Variants in ANO3 observed in about 807,000 individuals in gnomAD.
The protein encoded by ANO3 is anoctamin 3, also known as anoctamin-3.
Under a neutral mutation model 144.8 loss-of-function variants are expected in ANO3, and 99 were observed. The ratio of observed to expected loss-of-function variants is 0.68; its 90% CI spans 0.58 to 0.81. The LOEUF (loss-of-function observed/expected upper bound fraction) is 0.81. Ranked by LOEUF, ANO3 falls within the 30% of genes least tolerant of loss-of-function variation. The probability of loss-of-function intolerance (pLI) is 0.00; values close to 1 mark genes in which losing one functional copy is unlikely to be tolerated. For missense variants in ANO3, 905 were observed against 1,202.2 expected (o/e 0.75, Z 3.66); for synonymous variants, 414 against 392.6 (o/e 1.05, Z -0.64).
At chr11:26,338,313 G>T (rs994756623) in intron 1 of ANO3, among the ~76,000 whole-genome samples, 4 of 152,112 alleles carry the variant, frequency 2.6e-5, no homozygotes, top group Non-Finnish European at 5.9e-5. Flanking sequence ...TCTAGCTAAA[G>T]GTTTGTAAAC....
intron 1 of ANO3, among the ~76,000 whole-genome samples, chr11:26,357,395 A>G (rs576587199): frequency 2.0e-5 from 3 of 152,350 alleles, no homozygotes; most frequent in African/African-American, 4.8e-5. Context: ...TACAAATGTT[A>G]GTATTCTAAT....
At chr11:26,623,869 T>G (rs528778494) in intron 17 of ANO3, among the ~76,000 whole-genome samples, 71 of 152,176 alleles carry the variant, frequency 4.7e-4, no homozygotes, top group African/African-American at 1.6e-3. Context: ...TCACTGGAAG[T>G]TCTGCCTCCC....
chr11:26,464,975 A>C (rs1859544957), intron 4 of ANO3, among the ~76,000 whole-genome samples: 1 of 151,804 alleles, frequency 6.6e-6, no homozygotes, highest in African/African-American at 2.4e-5. Context: ...GAAGAGCAAA[A>C]TTACCTACTT....
chr11:26,275,356 A>G (rs1399580661), intron 1 of ANO3, among the ~76,000 whole-genome samples: 7 of 152,146 alleles, frequency 4.6e-5, no homozygotes, highest in Non-Finnish European at 1.0e-4. Context: ...CTACACTCTC[A>G]CTAGAGTGAA....
At chr11:26,525,425 G>A (rs565075924) in intron 6 of ANO3, among the ~76,000 whole-genome samples, 2 of 152,100 alleles carry the variant, frequency 1.3e-5, no homozygotes, top group Non-Finnish European at 2.9e-5. Context: ...TTATTAGAGT[G>A]TCTTTGTTAT....
intron 14 of ANO3, among the ~76,000 whole-genome samples, chr11:26,570,595 A>G (rs1031452739): frequency 6.6e-6 from 1 of 152,116 alleles, no homozygotes; most frequent in African/African-American, 2.4e-5. Context: ...CAGGCATAAT[A>G]TAAAAACATG....
intron 1 of ANO3, among the ~76,000 whole-genome samples, chr11:26,245,138 TATAATTGCCAAGAAAA>T (rs1852761386): frequency 6.6e-6 from 1 of 152,216 alleles, no homozygotes; most frequent in East Asian, 1.9e-4. Flanking sequence ...ATAAGGTAAA[TATAATTGCCAAGAAAA>T]ATGCATGGGT....
At chr11:26,258,506 G>A (rs11029443) in intron 1 of ANO3, among the ~76,000 whole-genome samples, 2,800 of 152,248 alleles carry the variant, frequency 0.018, 69 homozygotes, top group East Asian at 0.12. Context: ...CTAACTGGAA[G>A]CTGGATTACA....
chr11:26,299,279 A>C (rs1854162874), intron 1 of ANO3, among the ~76,000 whole-genome samples: 1 of 152,212 alleles, frequency 6.6e-6, no homozygotes, highest in Admixed American at 6.5e-5. Context: ...AGTGTGATTA[A>C]TTATATAGCA....
Position 26,547,425 on chromosome 11 carries a change from T to G in ANO3, c.1164T>G (p.Phe388Leu). ...HQPLDLIRLY[F>L]GEKIGLYFAW... ...TTGCTTTCTCATGCAGGCTATACTT[T>G]GGTGAGAAGATTGGACTATACTTTG... is the stretch of plus-strand genomic sequence containing the variant. The change falls in exon 12 of 27, where the codon TTT (phenylalanine) becomes TTG (leucine). Residue 388 changes from phenylalanine to leucine, a missense_variant. Physicochemically the swap from Phe to Leu is conservative, Grantham distance 22 (BLOSUM62 0). Coordinates refer to ENST00000256737, the MANE Select transcript of ANO3 (RefSeq NM_031418.4). 6.2e-7 allele frequency: 1 copy of G among 1,611,614 alleles called. No individual in the cohort carries two copies. The highest frequency in any genetic ancestry group is 1.1e-5 in the South Asian group (1 of 90,996).
intron 14 of ANO3, among the ~76,000 whole-genome samples, chr11:26,579,216 A>C (rs1193695188): frequency 6.6e-6 from 1 of 152,184 alleles, no homozygotes; most frequent in Non-Finnish European, 1.5e-5. Context: ...TAATTAGAAA[A>C]TCCTGGCATA....
At chr11:26,400,489 G>A (rs1190796961) in intron 1 of ANO3, among the ~76,000 whole-genome samples, 1 of 151,862 alleles carries the variant, frequency 6.6e-6, no homozygotes, top group Non-Finnish European at 1.5e-5. Flanking sequence ...AAGTTCTAGT[G>A]CCTTTCTTTT....
chr11:26,325,753 T>C (rs2133882722), intron 1 of ANO3, among the ~76,000 whole-genome samples: 1 of 152,268 alleles, frequency 6.6e-6, no homozygotes, highest in African/African-American at 2.4e-5. Context: ...CTATTTTCCT[T>C]TAGAGGGGAA....
chr11:26,635,734 C>G (rs61878641), intron 20 of ANO3, among the ~76,000 whole-genome samples: 4,653 of 152,188 alleles, frequency 0.031, 100 homozygotes, highest in Non-Finnish European at 0.049. Context: ...TCATATTTTT[C>G]TTGAACATTT....
intron 14 of ANO3, among the ~76,000 whole-genome samples, chr11:26,561,433 A>T (rs1389123751): frequency 6.6e-6 from 1 of 151,982 alleles, no homozygotes; most frequent in African/African-American, 2.4e-5. Context: ...TTTACTTCCA[A>T]AATTTTACTG....
At chr11:26,530,455 G>GTCTATCTA (rs765413221) in intron 7 of ANO3, among the ~76,000 whole-genome samples, 2 of 130,292 alleles carry the variant, frequency 1.5e-5, no homozygotes, top group African/African-American at 6.6e-5. Flanking sequence ...TCATCTATCT[G>GTCTATCTA]TCTGTCTATC....
In ANO3 at chr11:26,656,105, A is replaced by G. The variant is rs200454730; in HGVS notation, c.2577-20A>G. 5.0e-5 allele frequency: 78 copies of G among 1,571,854 alleles called. No homozygotes were observed. The highest frequency in any genetic ancestry group is 4.6e-4 in the Admixed American group (27 of 58,944). The stretch of plus-strand genomic sequence containing the variant: ...AACGTATGAATCTTTGAATCACATG[A>G]TATTTTTCTTTTCTCCCAGTTGCTT... On this transcript the variant is annotated intron_variant, in intron 24 of 26. Transcript: ENST00000256737.
chr11:26,213,853 A>G (rs1345902290), intron 1 of ANO3, among the ~76,000 whole-genome samples: 1 of 152,100 alleles, frequency 6.6e-6, no homozygotes, highest in Non-Finnish European at 1.5e-5. Context: ...AGGTGAGATA[A>G]AAGTATTTAT....
At chr11:26,402,680 G>C (rs1410190868) in intron 1 of ANO3, among the ~76,000 whole-genome samples, 1 of 151,808 alleles carries the variant, frequency 6.6e-6, no homozygotes, top group African/African-American at 2.4e-5. Flanking sequence ...GACACATAGA[G>C]GGGAACAATA....
Sources: allele counts gnomAD v4.1 joint callset (sites outside exome capture counted in the v4.1 genomes callset), GRCh38; gene constraint gnomAD v4.1.1; transcripts MANE v1.5; gene names NCBI Gene and HGNC (gene_info 2026-07-23, HGNC 2026-07-21).